Variants in BAZ1B observed in about 807,000 individuals in gnomAD.
BAZ1B encodes the protein tyrosine-protein kinase BAZ1B.
In BAZ1B, 22 loss-of-function variants were observed where a neutral mutation model predicts 153.8. The ratio of observed to expected loss-of-function variants is 0.14; its 90% CI spans 0.10 to 0.20. The LOEUF (loss-of-function observed/expected upper bound fraction) is 0.20. Among genes scored for constraint, BAZ1B ranks in the 10% least tolerant of loss-of-function variants. The pLI is 1.00. For missense variants in BAZ1B, 1,325 were observed against 1,799.3 expected, an observed-to-expected ratio of 0.74 and a Z score of 4.77; for synonymous variants, 676 against 633.4, an observed-to-expected ratio of 1.07 and a Z score of -1.01.
intron 9 of BAZ1B, 123 bp from the exon 10 acceptor site, chr7:73,466,524 A>G: frequency 1.7e-6 from 1 of 602,722 alleles, no homozygotes; most frequent in South Asian, 2.2e-5. Context: ...TGTGAAATAT[A>G]TCAAATATAT....
intron 11 of BAZ1B, chr7:73,463,995 C>T (rs955440289): frequency 1.8e-5 from 9 of 502,282 alleles, no homozygotes; most frequent in African/African-American, 2.1e-5. Context: ...CGTGAGCCAC[C>T]GCGGCCGGCC....
intron 16 of BAZ1B, among the ~76,000 whole-genome samples, chr7:73,445,028 A>AACAC (rs10557903): frequency 1.3e-5 from 2 of 148,602 alleles, no homozygotes; most frequent in African/African-American, 5.0e-5. Context: ...AAAGAAAAAA[A>AACAC]ACACACACAC....
Position 73,498,539 on chromosome 7 carries a change from C to G in BAZ1B, c.529G>C (p.Glu177Gln), listed in dbSNP as rs535579241. Reference sequence around the variant, plus strand: ...CCTTCATCCTCTTTCACAACTGTCTCCTTCTTCTGATGGTCCTGAGCAATC... The same window carrying G: ...CCTTCATCCTCTTTCACAACTGTCTGCTTCTTCTGATGGTCCTGAGCAATC... ...SQIAQDHQKK[E>Q]TVVKEDEGRR... Residue 177 changes from glutamate to glutamine, a missense_variant, in exon 4 of 20, where the codon GAG becomes CAG. Around this residue, in one of 9 missense-constraint regions of BAZ1B, gnomAD observed 153 missense variants for 204.8 expected, o/e 0.75. Coordinates refer to ENST00000339594, the MANE Select transcript of BAZ1B (RefSeq NM_032408.4). 2.5e-6 allele frequency: 4 copies of G among 1,614,094 alleles called. No individual in the cohort carries two copies. In the South Asian group the frequency reaches 4.4e-5, roughly 18 times the overall value.
chr7:73,474,960 G>A (rs1788944322), intron 7 of BAZ1B, among the ~76,000 whole-genome samples: 1 of 152,068 alleles, frequency 6.6e-6, no homozygotes, highest in African/African-American at 2.4e-5. Flanking sequence ...GTGGCCAGGA[G>A]ACACATGAAA....
chr7:73,481,257 G>T (rs1009595541), intron 6 of BAZ1B, among the ~76,000 whole-genome samples: 2 of 151,870 alleles, frequency 1.3e-5, no homozygotes, highest in Non-Finnish European at 2.9e-5. Context: ...GCTGGGCGTG[G>T]TGGTTCACGC....
At chr7:73,467,185 G>A (rs2116303227) in intron 9 of BAZ1B, among the ~76,000 whole-genome samples, 1 of 151,634 alleles carries the variant, frequency 6.6e-6, no homozygotes, top group East Asian at 2.0e-4. Flanking sequence ...CGCCCGCCTT[G>A]GCCTCCCAAG....
rs562851390 is a variant in BAZ1B, at chr7:73,522,219, A to C, written c.-286T>G. On this transcript the variant is annotated 5_prime_UTR_variant, in exon 1 of 20. Coordinates refer to ENST00000339594, the MANE Select transcript of BAZ1B (RefSeq NM_032408.4). ...CGGCCGGCAGTCACGACTCCTCCTC[A>C]GCAGCACCGGAGGAAATTATTGAAA... 1,882 of 387,370 alleles carry C rather than the reference A, an allele frequency of 4.9e-3. 7 individuals are homozygous for C. Among genetic ancestry groups the C allele is most frequent in the Non-Finnish European group, 6.2e-3 (1,356 of 218,848 alleles). The allele number at this position is 387,370 out of a possible 1,614,324, so 24.0% of individuals were successfully genotyped here.
rs369121789 is a variant in BAZ1B, at chr7:73,442,321, G to A, written c.4327C>T (p.His1443Tyr). Residue 1443 changes from histidine (H) to tyrosine (Y), a missense_variant, in exon 19 of 20, where the codon CAC (histidine) becomes TAC (tyrosine). Physicochemically the swap from His to Tyr is moderately conservative, Grantham distance 83. Around this residue, in one of 9 missense-constraint regions of BAZ1B, gnomAD observed 271 missense variants for 337.2 expected, o/e 0.80. Coordinates refer to ENST00000339594, the MANE Select transcript of BAZ1B (RefSeq NM_032408.4). ...CGGACATATGGGTGGCCAGGAAGGT[G>A]TTTATGCAACAGAGCCACTAGACAC... Reference protein sequence around the residue: ...EQCLVALLHKHLPGHPYVRRK... With the variant: ...EQCLVALLHKYLPGHPYVRRK... The A allele has an allele frequency of 6.2e-7, 1 of 1,614,210 alleles. No homozygotes were observed. Among genetic ancestry groups the A allele is most frequent in the Non-Finnish European group, 8.5e-7 (1 of 1,180,052 alleles).
intron 5 of BAZ1B, 123 bp from the exon 6 acceptor site, chr7:73,489,514 T>A: frequency 1.0e-6 from 1 of 966,692 alleles, no homozygotes; most frequent in Admixed American, 2.5e-5. Context: ...GGGCTACAAA[T>A]TAGAAAGAAA....
intron 7 of BAZ1B, among the ~76,000 whole-genome samples, chr7:73,473,081 A>G (rs1554572278): frequency 1.3e-5 from 2 of 152,196 alleles, no homozygotes; most frequent in East Asian, 1.9e-4. Flanking sequence ...AGCTGGGATT[A>G]CAGGCATGCG....
rs781852526 is a variant in BAZ1B at position 73,478,178 on chromosome 7, A to G, written c.1283T>C (p.Leu428Pro). The change falls in exon 7 of 20, where the codon CTG becomes CCG. Residue 428 changes from leucine (L) to proline (P), a missense_variant. Leu to Pro is a moderately conservative substitution (Grantham distance 98). Coordinates refer to ENST00000339594, the MANE Select transcript of BAZ1B (RefSeq NM_032408.4). ...CTTCATTTTGGTTTTAGGAGTCTTC[A>G]GTCCTTTTTTGGGAGATTTGGAATT... Reference protein sequence around the residue: ...TGNSKSPKKGLKTPKTKMKQM... With the variant: ...TGNSKSPKKGPKTPKTKMKQM... 12 of 1,613,962 alleles carry G rather than the reference A, an allele frequency of 7.4e-6. No homozygotes were observed. Among genetic ancestry groups the G allele is most frequent in the Admixed American group, 1.7e-5 (1 of 59,968 alleles).
At chr7:73,449,362 C>T (rs1554567524) in intron 15 of BAZ1B, among the ~76,000 whole-genome samples, 180 bp downstream of exon 15, 1 of 152,160 alleles carries the variant, frequency 6.6e-6, no homozygotes. Context: ...TGTCAACATT[C>T]AGCTAAAATT....
chr7:73,478,812 T>C (rs533033820), intron 6 of BAZ1B, among the ~76,000 whole-genome samples: 1 of 152,196 alleles, frequency 6.6e-6, no homozygotes, highest in Non-Finnish European at 1.5e-5. Context: ...ATGTAACTAG[T>C]TCTGTTTATG....
intron 6 of BAZ1B, among the ~76,000 whole-genome samples, chr7:73,479,508 CAA>C (rs565909571): frequency 4.6e-4 from 31 of 66,872 alleles, no homozygotes; most frequent in Admixed American, 1.2e-3. Context: ...ACCCCCGTCT[CAA>C]AAAAAAAAAA....
chr7:73,515,219 G>A (rs1790748741), intron 1 of BAZ1B, among the ~76,000 whole-genome samples: 1 of 152,112 alleles, frequency 6.6e-6, no homozygotes, highest in African/African-American at 2.4e-5. Flanking sequence ...AACATTCATT[G>A]AACCTTCAAA....
intron 1 of BAZ1B, among the ~76,000 whole-genome samples, chr7:73,512,012 G>A (rs1388699429): frequency 5.8e-5 from 6 of 104,134 alleles, no homozygotes; most frequent in African/African-American, 2.3e-4. Flanking sequence ...TGGGTGATAA[G>A]AGCGAAACTC....
At position 73,492,871 on chromosome 7, in the gene BAZ1B, C is replaced by CT. The variant is rs1554575750; in HGVS notation, c.621dup (p.Gly208ArgfsTer16). On this transcript the variant is annotated frameshift_variant, in exon 5 of 20. Coordinates refer to ENST00000339594, the MANE Select transcript of BAZ1B (RefSeq NM_032408.4). LOFTEE classifies it high-confidence loss of function. ...TTTGGAGGAGCCCATTTCCTTTCTC[C>CT]TTTTTTTAATGAAGTAGGAAGTTTT... 2 of 1,610,378 alleles carry CT rather than the reference C, an allele frequency of 1.2e-6. No homozygotes were observed. The highest frequency in any genetic ancestry group is 1.1e-5 in the South Asian group (1 of 90,254).
intron 16 of BAZ1B, among the ~76,000 whole-genome samples, chr7:73,445,028 A>C (rs544824485): frequency 6.2e-4 from 92 of 148,606 alleles, no homozygotes; most frequent in Middle Eastern, 3.4e-3. Context: ...AAAGAAAAAA[A>C]ACACACACAC....
intron 3 of BAZ1B, among the ~76,000 whole-genome samples, chr7:73,506,839 G>A (rs538747501): frequency 1.7e-4 from 24 of 141,286 alleles, no homozygotes; most frequent in Admixed American, 1.5e-3. Flanking sequence ...CGACAAGAGC[G>A]AGACTCCACC....
Sources: allele counts gnomAD v4.1 joint callset (sites outside exome capture counted in the v4.1 genomes callset), GRCh38; gene constraint gnomAD v4.1.1; regional missense constraint gnomAD v4.1.1; transcripts MANE v1.5; gene names NCBI Gene and HGNC (gene_info 2026-07-23, HGNC 2026-07-21).